TENM4: variants seen among roughly 807,000 people sequenced by gnomAD.
TENM4 encodes teneurin-4.
In TENM4, 82 loss-of-function variants were observed where a neutral mutation model predicts 243.3. That is an observed-to-expected ratio of 0.34 (90% confidence interval 0.28 to 0.40). The LOEUF is 0.40. Ranked by LOEUF, TENM4 falls within the 10% of genes least tolerant of loss-of-function variation. The pLI is 1.00. For synonymous variants in TENM4, 1,412 were observed against 1,456.3 expected, an observed-to-expected ratio of 0.97 and a Z score of 0.69; for missense variants, 3,138 against 3,673.3, an observed-to-expected ratio of 0.85 and a Z score of 3.77.
chr11:78,677,073 G>A (rs1019262313), intron 29 of TENM4, among the ~76,000 whole-genome samples: 6 of 152,088 alleles, frequency 3.9e-5, no homozygotes, highest in African/African-American at 9.7e-5. Context: ...TGATTGCACA[G>A]CTTTATAAAT....
chr11:79,115,513 C>T (rs1162817302), intron 4 of TENM4, among the ~76,000 whole-genome samples: 1 of 152,200 alleles, frequency 6.6e-6, no homozygotes, highest in Non-Finnish European at 1.5e-5. Context: ...ATGCTCTACC[C>T]TCCCCTGAGT....
At chr11:79,238,346 T>C (rs778059497) in intron 2 of TENM4, among the ~76,000 whole-genome samples, 5 of 152,230 alleles carry the variant, frequency 3.3e-5, no homozygotes, top group African/African-American at 4.8e-5. Flanking sequence ...CTGGGAGAGA[T>C]TGGAGACCCC....
At chr11:79,363,941 A>G (rs530017464) in intron 1 of TENM4, among the ~76,000 whole-genome samples, 2 of 152,324 alleles carry the variant, frequency 1.3e-5, no homozygotes, top group African/African-American at 4.8e-5. Context: ...CAAGTGACAC[A>G]TAAGCTGAAA....
At chr11:79,085,533 T>G (rs1212600345) in intron 4 of TENM4, among the ~76,000 whole-genome samples, 1 of 152,120 alleles carries the variant, frequency 6.6e-6, no homozygotes, top group Non-Finnish European at 1.5e-5. Context: ...GGATAGTATA[T>G]ACCACCTTAC....
Position 78,712,502 on chromosome 11 carries a change from G to C in TENM4, c.4034C>G (p.Ala1345Gly), listed in dbSNP as rs1859421935. 2 of 1,613,942 alleles carry C rather than the reference G, an allele frequency of 1.2e-6. No individual in the cohort carries two copies. The highest frequency in any genetic ancestry group is 1.7e-6 in the Non-Finnish European group (2 of 1,179,850). ...CTTACCCCTGGGATTGGTGAGTGTG[G>C]CTTCTGTGGCCTTCCCACCATCCCC... ...RCGDGGKATEATLTNPRGITV... is the reference protein window; with the variant it reads ...RCGDGGKATEGTLTNPRGITV... Residue 1345 changes from alanine (A) to glycine (G), a missense_variant, in exon 26 of 34, where the codon GCC becomes GGC. Around this residue, in one of 2 missense-constraint regions of TENM4, gnomAD observed 2,467 missense variants for 3,059.1 expected, o/e 0.81. Coordinates refer to ENST00000278550, the MANE Select transcript of TENM4 (RefSeq NM_001098816.3).
Position 78,796,570 on chromosome 11 carries a change from C to T in TENM4, c.2179+8722G>A, listed in dbSNP as rs188384845. Among the ~76,000 whole-genome samples, 73 of 152,264 alleles carry T rather than the reference C, an allele frequency of 4.8e-4. 2 individuals carry two copies. The highest frequency in any genetic ancestry group is 7.4e-5 in the Non-Finnish European group (5 of 68,022). On this transcript the variant is annotated intron_variant, in intron 15 of 33. Transcript: ENST00000278550. ...TTCCACCTGGCTGTCCCCCAAGAAC[C>T]TCCAACTGTATGCTGACAATAGAGT...
At chr11:79,097,976 C>T (rs947627316) in intron 4 of TENM4, 10 of 152,074 alleles carry the variant, frequency 6.6e-5, no homozygotes, top group East Asian at 1.9e-4. Flanking sequence ...AAACAAAAAA[C>T]GATAGTGGCC....
chr11:79,041,673 A>T (rs953252309), intron 6 of TENM4, among the ~76,000 whole-genome samples: 1 of 152,190 alleles, frequency 6.6e-6, no homozygotes, highest in Non-Finnish European at 1.5e-5. Context: ...ATCACTTTGA[A>T]GATGAAAAGG....
chr11:79,270,507 A>C (rs1234845338), intron 2 of TENM4, among the ~76,000 whole-genome samples: 1 of 152,148 alleles, frequency 6.6e-6, no homozygotes. Flanking sequence ...AACTCCCCAC[A>C]TGGTACCTAA....
chr11:78,770,895 GT>G, intron 18 of TENM4, 96 bp downstream of exon 18: 2 of 1,475,888 alleles, frequency 1.4e-6, no homozygotes, highest in Non-Finnish European at 1.8e-6. Context: ...TGGATGACTG[GT>G]GTGTTGGTGG....
At chr11:78,732,600 G>C in intron 20 of TENM4, 23 bp from the exon 21 acceptor site, 1 of 1,577,570 alleles carries the variant, frequency 6.3e-7, no homozygotes, top group Non-Finnish European at 8.6e-7. Flanking sequence ...GGAAGGTTGA[G>C]AAGGGGCGGG....
chr11:79,417,969 T>C (rs773773017), intron 1 of TENM4, among the ~76,000 whole-genome samples: 5 of 152,198 alleles, frequency 3.3e-5, no homozygotes, highest in Non-Finnish European at 7.3e-5. Context: ...ATGGCACTCT[T>C]CCTGGCTGGG....
intron 12 of TENM4, among the ~76,000 whole-genome samples, chr11:78,817,100 T>G (rs192942765): frequency 6.6e-6 from 1 of 152,234 alleles, no homozygotes; most frequent in African/African-American, 2.4e-5. Flanking sequence ...CATCAAAACT[T>G]AAATGCAGCA....
intron 1 of TENM4, among the ~76,000 whole-genome samples, chr11:79,303,433 T>C (rs1242820333): frequency 1.3e-5 from 2 of 152,210 alleles, no homozygotes; most frequent in East Asian, 3.9e-4. Context: ...TAGTAAAGGC[T>C]CAACAAATGT....
At chr11:79,374,230 C>T (rs1217456154) in intron 1 of TENM4, among the ~76,000 whole-genome samples, 3 of 152,138 alleles carry the variant, frequency 2.0e-5, no homozygotes, top group Non-Finnish European at 2.9e-5. Flanking sequence ...GCCTCCAACA[C>T]ACATGGCTAT....
chr11:78,752,863 C>T (rs144325708), intron 19 of TENM4, among the ~76,000 whole-genome samples: 2 of 152,294 alleles, frequency 1.3e-5, no homozygotes, highest in East Asian at 3.9e-4. Flanking sequence ...TCAAGTTTTA[C>T]TTTCCATTAA....
chr11:79,157,993 C>T (rs150786864), intron 3 of TENM4, among the ~76,000 whole-genome samples: 5 of 152,304 alleles, frequency 3.3e-5, no homozygotes, highest in Admixed American at 6.5e-5. Flanking sequence ...TTCCACTACA[C>T]GTCCTACCTG....
At chr11:79,417,063 A>C (rs1337621299) in intron 1 of TENM4, among the ~76,000 whole-genome samples, 1 of 152,228 alleles carries the variant, frequency 6.6e-6, no homozygotes, top group Non-Finnish European at 1.5e-5. Flanking sequence ...ATATCTGGAA[A>C]GTAGTTAACT....
intron 4 of TENM4, among the ~76,000 whole-genome samples, chr11:79,082,782 T>TGTAG (rs1860707582): frequency 6.6e-6 from 1 of 152,096 alleles, no homozygotes; most frequent in Non-Finnish European, 1.5e-5. Context: ...TGGCAGAATT[T>TGTAG]CACTGACATC....
Sources: allele counts gnomAD v4.1 joint callset (sites outside exome capture counted in the v4.1 genomes callset), GRCh38; gene constraint gnomAD v4.1.1; regional missense constraint gnomAD v4.1.1; transcripts MANE v1.5; gene names NCBI Gene and HGNC (gene_info 2026-07-23, HGNC 2026-07-21).